COL4A5: variants seen among roughly 807,000 people sequenced by gnomAD.
COL4A5 encodes the protein collagen alpha-5(IV) chain.
In COL4A5, 26 loss-of-function variants were observed where a neutral mutation model predicts 130.2. The observed-to-expected ratio is 0.20, with a 90% CI of 0.15 to 0.28. The LOEUF is 0.28. Ranked by LOEUF, COL4A5 falls within the 10% of genes least tolerant of loss-of-function variation. The pLI, the probability that COL4A5 is intolerant of heterozygous loss-of-function variation, is 1.00. For synonymous variants in COL4A5, 496 were observed against 439.6 expected, an observed-to-expected ratio of 1.13 and a Z score of -1.60; for missense variants, 1,131 against 1,344.3, an observed-to-expected ratio of 0.84 and a Z score of 2.48.
intron 9 of COL4A5, among the ~76,000 whole-genome samples, chrX:108,575,060 A>G (rs1335446420): frequency 1.8e-5 from 2 of 111,334 alleles, no homozygotes; most frequent in Admixed American, 9.6e-5. Flanking sequence ...AAGTATGAGG[A>G]TTACAGGTGT....
chrX:108,508,256 G>A (rs2065145384), intron 1 of COL4A5, among the ~76,000 whole-genome samples: 1 of 110,579 alleles, frequency 9.0e-6, no homozygotes. Context: ...GCCACACCAA[G>A]AGCCGAATCA....
intron 1 of COL4A5, among the ~76,000 whole-genome samples, chrX:108,484,187 CTA>C (rs1569476340): frequency 8.9e-6 from 1 of 111,975 alleles, no homozygotes; most frequent in Non-Finnish European, 1.9e-5. Context: ...ATTTCAATCT[CTA>C]TGTTAAATTT....
Position 108,566,414 on chromosome X carries a change from CACA to C in COL4A5, c.277-2210_277-2208del, listed in dbSNP as rs1164426786. ...TCTTTCATAACTTCTCCCTTTTTGA[CACA>C]ACAAGCTCTTTCATGCTCATCCTTG... On this transcript the variant is annotated intron_variant, in intron 4 of 52. Transcript: ENST00000328300. Among the ~76,000 whole-genome samples the C allele has an allele frequency of 3.0e-4, 33 of 111,111 alleles. No individual in the cohort carries two copies. The South Asian group carries it at 0.012, about 41-fold the overall frequency.
At chrX:108,462,597 T>A (rs1425482475) in intron 1 of COL4A5, 1 of 111,874 alleles carries the variant, frequency 8.9e-6, no homozygotes, top group Non-Finnish European at 1.9e-5. Context: ...AGAGACAGGG[T>A]CTCACTATGT....
At chrX:108,440,451 GGCAAGA>G in intron 1 of COL4A5, 1 of 391,243 alleles carries the variant, frequency 2.6e-6, no homozygotes, top group Middle Eastern at 7.3e-4. Flanking sequence ...CTCCTCCGGG[GGCAAGA>G]GCAAAGTCAG....
At chrX:108,601,788 C>G in intron 26 of COL4A5, 97 bp from the exon 27 acceptor site, 1 of 570,454 alleles carries the variant, frequency 1.8e-6, no homozygotes, top group Non-Finnish European at 3.0e-6. Context: ...CCTCAGCCTC[C>G]CAAAGTGCTG....
chrX:108,688,138 A>G (rs2147992195), intron 49 of COL4A5, among the ~76,000 whole-genome samples: 1 of 112,164 alleles, frequency 8.9e-6, no homozygotes, highest in Admixed American at 9.5e-5. Context: ...AAGTAAGGTC[A>G]TTGCTTAATT....
Position 108,601,528 on chromosome X carries a change from CTT to C in COL4A5, c.2041+60_2041+61del, listed in dbSNP as rs61506795. ...TTCAAAGTAACTTCAACACCGATGG[CTT>C]TTTTTTTTTTTTTTTTGACAGAGTT... On this transcript the variant is annotated intron_variant, in intron 26 of 52. Transcript: ENST00000328300. The C allele has an allele frequency of 0.044, 22,756 of 519,672 alleles. 1 individual carries two copies. The highest frequency in any genetic ancestry group is 0.06 in the East Asian group (1,349 of 22,628). The allele number at this position is 519,672 out of a possible 1,213,427, so 42.8% of individuals were successfully genotyped here.
intron 49 of COL4A5, among the ~76,000 whole-genome samples, chrX:108,690,644 T>C (rs1239208249): frequency 9.0e-6 from 1 of 111,678 alleles, no homozygotes; most frequent in African/African-American, 3.3e-5. Context: ...TCCTTTCCCA[T>C]GTCTCCTTTG....
At chrX:108,547,534 C>T (rs2065679700) in intron 2 of COL4A5, among the ~76,000 whole-genome samples, 1 of 111,902 alleles carries the variant, frequency 8.9e-6, no homozygotes, top group Non-Finnish European at 1.9e-5. Context: ...GGGTTGCGTC[C>T]CAGTTAGGCT....
At position 108,595,563 on chromosome X, in the gene COL4A5, C is replaced by T. The variant is rs1478982997; in HGVS notation, c.1478C>T (p.Pro493Leu). Residue 493 changes from proline to leucine, a missense_variant, in exon 22 of 53, where the codon CCA becomes CTA. Pro to Leu is a moderately conservative substitution (Grantham distance 98). Transcript: ENST00000328300. ...NCIGTGISGP[P>L]GQPGLPGLPG... ...ATTGGAACTGGTATTTCAGGGCCTC[C>T]AGGTCAACCTGGTTTGCCAGGTCTC... 1.6e-6 allele frequency: 2 copies of T among 1,212,168 alleles called. No homozygotes were observed. Among genetic ancestry groups the T allele is most frequent in the Non-Finnish European group, 1.1e-6 (1 of 895,541 alleles).
At chrX:108,456,454 G>T (rs1165094507) in intron 1 of COL4A5, among the ~76,000 whole-genome samples, 4 of 111,734 alleles carry the variant, frequency 3.6e-5, no homozygotes, top group African/African-American at 1.3e-4. Flanking sequence ...ATTAGTTCTA[G>T]TAGTCGTGTC....
At chrX:108,474,857 C>T (rs1183243902) in intron 1 of COL4A5, among the ~76,000 whole-genome samples, 1 of 111,557 alleles carries the variant, frequency 9.0e-6, no homozygotes, top group Non-Finnish European at 1.9e-5. Flanking sequence ...AGAGACTGTC[C>T]TTTCTCCAAT....
Position 108,540,680 on chromosome X carries a change from G to T in COL4A5, c.141+875G>T, listed in dbSNP as rs947148246. Among the ~76,000 whole-genome samples the T allele has an allele frequency of 2.7e-5, 3 of 111,469 alleles. No homozygotes were observed. The Admixed American group carries it at 2.8e-4, about 11-fold the overall frequency. Reference sequence around the variant, plus strand: ...TGGCTAGGCTGGTCTCGAACTCCTGGCCTCAAGTGATCTGCCCACCTTGGC... The same window carrying T: ...TGGCTAGGCTGGTCTCGAACTCCTGTCCTCAAGTGATCTGCCCACCTTGGC... On this transcript the variant is annotated intron_variant, in intron 2 of 52. Transcript: ENST00000328300.
At chrX:108,482,112 A>G (rs906572866) in intron 1 of COL4A5, among the ~76,000 whole-genome samples, 1 of 111,838 alleles carries the variant, frequency 8.9e-6, no homozygotes, top group African/African-American at 3.3e-5. Context: ...GCCCAAATCA[A>G]CAAATTCAGC....
intron 1 of COL4A5, among the ~76,000 whole-genome samples, chrX:108,515,606 CA>C (rs1166924222): frequency 9.0e-6 from 1 of 110,715 alleles, no homozygotes; most frequent in Non-Finnish European, 1.9e-5. Flanking sequence ...CATAAAGTGA[CA>C]GTAGATTTTG....
chrX:108,696,382 T>C lies in COL4A5; in HGVS notation c.*4T>C, dbSNP rs1569509500. 8.4e-7 allele frequency: 1 copy of C among 1,185,698 alleles called. No homozygotes were observed. Among genetic ancestry groups the C allele is most frequent in the South Asian group, 1.8e-5 (1 of 56,298 alleles). On this transcript the variant is annotated 3_prime_UTR_variant, in exon 53 of 53. Coordinates refer to ENST00000328300, the MANE Select transcript of COL4A5 (RefSeq NM_033380.3). ...AGTGTGCATGAAGAGGACATAACAT[T>C]TTGAAGAATTCCTTTTGTGTTTTAA...
chrX:108,615,211 T>C (rs192393943), intron 30 of COL4A5, among the ~76,000 whole-genome samples, 187 bp downstream of exon 30: 48 of 112,389 alleles, frequency 4.3e-4, no homozygotes, highest in African/African-American at 1.5e-3. Context: ...ATCCCTGATA[T>C]TTCCCTTCTG....
At chrX:108,548,505 G>C (rs2065701454) in intron 2 of COL4A5, among the ~76,000 whole-genome samples, 1 of 110,963 alleles carries the variant, frequency 9.0e-6, no homozygotes, top group African/African-American at 3.3e-5. Context: ...AATATAAATG[G>C]AGTCCTCTAA....
Sources: gnomAD v4.1 joint callset for allele counts (sites outside exome capture counted in the v4.1 genomes callset) on GRCh38, gnomAD v4.1.1 for gene constraint, MANE v1.5 for transcripts, NCBI Gene and HGNC (gene_info 2026-07-23, HGNC 2026-07-21) for gene names.